Variants in UTRN observed in about 807,000 individuals in gnomAD.
UTRN encodes utrophin.
Under a neutral mutation model 463.9 loss-of-function variants are expected in UTRN, and 283 were observed. The ratio of observed to expected loss-of-function variants is 0.61; its 90% CI spans 0.55 to 0.67. The LOEUF is 0.67. Among genes scored for constraint, UTRN ranks in the 30% least tolerant of loss-of-function variants. The pLI is 0.00. For missense variants in UTRN, 3,922 were observed against 4,084.3 expected, an observed-to-expected ratio of 0.96 and a Z score of 1.08; for synonymous variants, 1,442 against 1,431.5, an observed-to-expected ratio of 1.01 and a Z score of -0.17.
chr6:144,384,324 A>C (rs1781217294), intron 2 of UTRN, among the ~76,000 whole-genome samples: 1 of 152,126 alleles, frequency 6.6e-6, no homozygotes, highest in Admixed American at 6.5e-5. Flanking sequence ...CTCCTGTCAG[A>C]TCAGCAGCGG....
intron 2 of UTRN, among the ~76,000 whole-genome samples, chr6:144,305,848 C>T (rs1270267737): frequency 6.6e-6 from 1 of 152,248 alleles, no homozygotes; most frequent in Non-Finnish European, 1.5e-5. Context: ...TATGAGCCCT[C>T]AGCTGCTGGG....
intron 3 of UTRN, among the ~76,000 whole-genome samples, chr6:144,419,172 G>A (rs911550754): frequency 6.6e-6 from 1 of 152,224 alleles, no homozygotes; most frequent in African/African-American, 2.4e-5. Context: ...ACAGTGGGTA[G>A]CAAGTCCTCA....
chr6:144,412,156 A>T (rs913190864), intron 3 of UTRN, among the ~76,000 whole-genome samples: 1 of 152,136 alleles, frequency 6.6e-6, no homozygotes, highest in Non-Finnish European at 1.5e-5. Context: ...TAATTTTATC[A>T]TTTTGCTTAA....
At chr6:144,578,601 C>T (rs1355783478) in intron 51 of UTRN, among the ~76,000 whole-genome samples, 1 of 152,172 alleles carries the variant, frequency 6.6e-6, no homozygotes, top group African/African-American at 2.4e-5. Flanking sequence ...TCCCGAAGTG[C>T]TGGGATTACA....
chr6:144,561,347 TAC>T (rs1331425596), intron 50 of UTRN, among the ~76,000 whole-genome samples: 3 of 148,996 alleles, frequency 2.0e-5, no homozygotes, highest in Admixed American at 6.7e-5. Context: ...CACACACATA[TAC>T]ACACACATAT....
chr6:144,438,832 G>A lies in UTRN; in HGVS notation c.1329G>A (p.Lys443=). 1.2e-6 allele frequency: 2 copies of A among 1,614,226 alleles called. No individual in the cohort carries two copies. Among genetic ancestry groups the A allele is most frequent in the Non-Finnish European group, 1.7e-6 (2 of 1,180,036 alleles). The change falls in exon 12 of 75, where the codon AAG becomes AAA. Residue 443 remains lysine (K), a synonymous_variant. Transcript: ENST00000367545. ...CACTCACAGAGGAGCGCATTCAGAA[G>A]ATGGAAACTTGCCCCCTGGATGATG... ...WLTLTEERIQ[K]METCPLDDDV... is the part of the protein sequence containing the mutation.
At chr6:144,322,462 G>T (rs545976228) in intron 2 of UTRN, among the ~76,000 whole-genome samples, 1 of 152,232 alleles carries the variant, frequency 6.6e-6, no homozygotes, top group East Asian at 1.9e-4. Flanking sequence ...CCCTGCAGGG[G>T]ACTTTGTGGA....
intron 54 of UTRN, among the ~76,000 whole-genome samples, chr6:144,736,024 A>G (rs1789352754): frequency 6.6e-6 from 1 of 152,182 alleles, no homozygotes; most frequent in Admixed American, 6.5e-5. Context: ...AAAAGAAGTC[A>G]TGTCAATTTA....
Position 144,493,354 on chromosome 6 carries a change from A to G in UTRN, c.4491A>G (p.Lys1497=). The G allele has an allele frequency of 1.2e-6, 2 of 1,614,166 alleles. No homozygotes were observed. The highest frequency in any genetic ancestry group is 2.2e-5 in the South Asian group (2 of 91,090). ...AACTTGAAGTGGAAACTGTGATTAA[A>G]ACAGGAAGACATATTGTCCAGAAAC... ...EVKLEVETVI[K]TGRHIVQKQQ... is the part of the protein sequence containing the mutation. Residue 1497 remains lysine (K), a synonymous_variant, in exon 33 of 75, where the codon AAA becomes AAG. Transcript: ENST00000367545.
rs867043685 is a variant in UTRN, at chr6:144,344,423, C to T, written c.79+52516C>T. On this transcript the variant is annotated intron_variant, in intron 2 of 74. Transcript: ENST00000367545. ...ACAAAGCTTAGGACCAGGCTGGTGA[C>T]GGGAACAGACAGCCTGTCTTTCCTG... 1.4e-4 allele frequency: 158 copies of T among 1,143,344 alleles called. No homozygotes were observed. In the Middle Eastern group the frequency reaches 1.7e-3, roughly 12 times the overall value. 70.8% of individuals were successfully genotyped at this position (1,143,344 alleles called of 1,614,324 possible). A position where few individuals can be genotyped will look rare whatever the true frequency, so the allele number is the denominator to read the frequency against.
At chr6:144,453,442 T>C (rs1788525117) in intron 18 of UTRN, among the ~76,000 whole-genome samples, 1 of 152,144 alleles carries the variant, frequency 6.6e-6, no homozygotes, top group Admixed American at 6.6e-5. Flanking sequence ...TTCTTGTTAG[T>C]TAATTTTTGT....
At chr6:144,763,513 G>T (rs1330614003) in intron 58 of UTRN, among the ~76,000 whole-genome samples, 1 of 152,162 alleles carries the variant, frequency 6.6e-6, no homozygotes. Flanking sequence ...CAGTCATACA[G>T]TTCATTTGCA....
At chr6:144,314,923 T>C (rs1775184193) in intron 2 of UTRN, among the ~76,000 whole-genome samples, 1 of 151,310 alleles carries the variant, frequency 6.6e-6, no homozygotes, top group Non-Finnish European at 1.5e-5. Context: ...CAAAAATACC[T>C]ATGTATATAT....
chr6:144,457,378 T>C (rs1291522810), intron 19 of UTRN, among the ~76,000 whole-genome samples: 1 of 152,200 alleles, frequency 6.6e-6, no homozygotes, highest in Non-Finnish European at 1.5e-5. Context: ...ATCTCAGAAA[T>C]TTTATTTACC....
intron 65 of UTRN, among the ~76,000 whole-genome samples, chr6:144,817,369 T>A (rs1025468120): frequency 9.9e-5 from 15 of 152,186 alleles, no homozygotes; most frequent in African/African-American, 3.6e-4. Flanking sequence ...TGTGTAGTAA[T>A]GATTGTTCCT....
intron 60 of UTRN, among the ~76,000 whole-genome samples, chr6:144,775,984 G>T (rs191038931): frequency 3.3e-5 from 5 of 152,162 alleles, no homozygotes; most frequent in Admixed American, 2.6e-4. Context: ...GTTAGAAAAG[G>T]GCTAGATTGT....
At chr6:144,541,353 T>C (rs546192324) in intron 45 of UTRN, among the ~76,000 whole-genome samples, 30 of 152,332 alleles carry the variant, frequency 2.0e-4, no homozygotes, top group Non-Finnish European at 4.0e-4. Flanking sequence ...GGAGCACACA[T>C]ATTTATTTAA....
chr6:144,458,740 A>G, intron 19 of UTRN, 30 bp from the exon 20 acceptor site: 1 of 1,552,936 alleles, frequency 6.4e-7, no homozygotes, highest in Non-Finnish European at 8.6e-7. Context: ...TAATATATAG[A>G]CTGTTTGCTT....
intron 53 of UTRN, among the ~76,000 whole-genome samples, chr6:144,720,024 T>G (rs927218024): frequency 1.3e-5 from 2 of 152,244 alleles, no homozygotes; most frequent in African/African-American, 4.8e-5. Flanking sequence ...CTTAGCTCAG[T>G]CCATATGACC....
Sources: gnomAD v4.1 joint callset for allele counts (sites outside exome capture counted in the v4.1 genomes callset) on GRCh38, gnomAD v4.1.1 for gene constraint, MANE v1.5 for transcripts, NCBI Gene and HGNC (gene_info 2026-07-23, HGNC 2026-07-21) for gene names.